SSH2: variants seen among roughly 807,000 people sequenced by gnomAD.
SSH2 encodes the protein slingshot protein phosphatase 2, also known as protein phosphatase Slingshot homolog 2.
Under a neutral mutation model 135.2 loss-of-function variants are expected in SSH2, and 37 were observed. The ratio of observed to expected loss-of-function variants is 0.27; its 90% CI spans 0.21 to 0.36. SSH2 has a LOEUF of 0.36. Ranked by LOEUF, SSH2 falls within the 10% of genes least tolerant of loss-of-function variation. The pLI is 1.00. For synonymous variants in SSH2, 628 were observed against 646.2 expected (o/e 0.97, Z 0.43); for missense variants, 1,408 against 1,765.3 (o/e 0.80, Z 3.63).
At chr17:29,869,958 G>C (rs1311441487) in intron 1 of SSH2, among the ~76,000 whole-genome samples, 4 of 152,034 alleles carry the variant, frequency 2.6e-5, no homozygotes, top group Admixed American at 2.6e-4. Flanking sequence ...TGGACTTCTT[G>C]CATGGGATAT....
intron 1 of SSH2, among the ~76,000 whole-genome samples, chr17:29,877,278 T>A (rs1027757283): frequency 2.6e-5 from 4 of 152,218 alleles, no homozygotes; most frequent in Non-Finnish European, 4.4e-5. Flanking sequence ...TTGATCGGAA[T>A]GTAAATTAAT....
intron 1 of SSH2, among the ~76,000 whole-genome samples, chr17:29,889,579 A>C (rs1438980967): frequency 5.3e-5 from 8 of 152,052 alleles, no homozygotes; most frequent in Admixed American, 3.9e-4. Flanking sequence ...GGTACACTGA[A>C]CTTCACCAAA....
chr17:29,637,296 G>A (rs1196899609), intron 14 of SSH2, among the ~76,000 whole-genome samples: 5 of 151,884 alleles, frequency 3.3e-5, no homozygotes, highest in Admixed American at 1.3e-4. Flanking sequence ...ATGGGGTTTC[G>A]CCATGTTGAC....
chr17:29,731,414 ATTTTTTATTTATTTATTTATTTAT>A (rs1189460877), intron 3 of SSH2, among the ~76,000 whole-genome samples: 2 of 115,264 alleles, frequency 1.7e-5, no homozygotes, highest in Non-Finnish European at 3.7e-5. Context: ...TAGCAGAAGT[ATTTTTTATTTATTTATTTATTTAT>A]TTATTTATTT....
intron 2 of SSH2, among the ~76,000 whole-genome samples, chr17:29,846,024 C>T (rs1259469410): frequency 2.0e-5 from 3 of 150,194 alleles, no homozygotes; most frequent in Non-Finnish European, 4.4e-5. Context: ...CAGAGGACTC[C>T]ACTGCAAACT....
intron 2 of SSH2, among the ~76,000 whole-genome samples, chr17:29,801,262 T>C (rs2042246634): frequency 6.6e-6 from 1 of 152,240 alleles, no homozygotes; most frequent in African/African-American, 2.4e-5. Context: ...CTGGAAAATA[T>C]AGAAGCACTG....
At chr17:29,780,009 T>G (rs1180846911) in intron 3 of SSH2, among the ~76,000 whole-genome samples, 1 of 151,728 alleles carries the variant, frequency 6.6e-6, no homozygotes, top group African/African-American at 2.4e-5. Flanking sequence ...CTGAGGTCAG[T>G]TGTTCGAGAC....
intron 3 of SSH2, among the ~76,000 whole-genome samples, chr17:29,748,550 T>C (rs1200443291): frequency 1.3e-5 from 2 of 152,144 alleles, no homozygotes; most frequent in Non-Finnish European, 1.5e-5. Flanking sequence ...AAACCATAAA[T>C]GAATGCCTGG....
chr17:29,910,299 G>T (rs1181516346), intron 1 of SSH2, among the ~76,000 whole-genome samples: 1 of 147,730 alleles, frequency 6.8e-6, no homozygotes, highest in Non-Finnish European at 1.5e-5. Context: ...AATGTTCAGA[G>T]GGTACACCCC....
At chr17:29,878,552 A>G (rs1943242581) in intron 1 of SSH2, among the ~76,000 whole-genome samples, 1 of 152,230 alleles carries the variant, frequency 6.6e-6, no homozygotes, top group African/African-American at 2.4e-5. Context: ...GAATAAATAA[A>G]TCAATGGATG....
At chr17:29,702,627 C>T (rs983237247) in intron 4 of SSH2, among the ~76,000 whole-genome samples, 7 of 152,142 alleles carry the variant, frequency 4.6e-5, no homozygotes, top group Non-Finnish European at 1.0e-4. Context: ...TGCACTCCAC[C>T]CTGGGTGACA....
At chr17:29,661,061 C>CAAAAAAAAAAAAAAAAAAAA (rs374216221) in intron 11 of SSH2, among the ~76,000 whole-genome samples, 24 of 48,344 alleles carry the variant, frequency 5.0e-4, no homozygotes, top group African/African-American at 1.5e-3. Context: ...AATTCCATCT[C>CAAAAAAAAAAAAAAAAAAAA]AAAAAAAAAA....
At chr17:29,805,256 C>A (rs1002726665) in intron 2 of SSH2, among the ~76,000 whole-genome samples, 2 of 151,948 alleles carry the variant, frequency 1.3e-5, no homozygotes, top group East Asian at 1.9e-4. Flanking sequence ...CCCGGGTTCA[C>A]GCCATTCTCC....
intron 1 of SSH2, among the ~76,000 whole-genome samples, chr17:29,850,029 C>CAAA (rs970117948): frequency 1.3e-4 from 5 of 37,636 alleles, no homozygotes; most frequent in African/African-American, 3.9e-4. Flanking sequence ...GACTCCATCT[C>CAAA]AAAAAAAAAA....
chr17:29,854,611 TG>T (rs1186542232), intron 1 of SSH2, among the ~76,000 whole-genome samples: 2 of 151,686 alleles, frequency 1.3e-5, no homozygotes, highest in African/African-American at 4.9e-5. Flanking sequence ...AAATCTAACT[TG>T]TTCAGTTACC....
At chr17:29,635,311 A>C (rs1245500870) in intron 15 of SSH2, among the ~76,000 whole-genome samples, 2 of 152,192 alleles carry the variant, frequency 1.3e-5, no homozygotes, top group Non-Finnish European at 2.9e-5. Flanking sequence ...TTTCCCAAAC[A>C]AATCTATCTT....
At chr17:29,663,673 T>C (rs544602066) in intron 11 of SSH2, among the ~76,000 whole-genome samples, 66 of 152,356 alleles carry the variant, frequency 4.3e-4, no homozygotes, top group African/African-American at 1.5e-3. Context: ...TATGTACATA[T>C]ATACACAATG....
intron 3 of SSH2, among the ~76,000 whole-genome samples, chr17:29,783,291 A>C (rs1383163160): frequency 1.4e-5 from 2 of 141,832 alleles, no homozygotes; most frequent in African/African-American, 5.1e-5. Context: ...TTATATATAT[A>C]ATATTTATAT....
intron 11 of SSH2, among the ~76,000 whole-genome samples, chr17:29,661,141 CT>C (rs994989006): frequency 6.6e-6 from 1 of 151,590 alleles, no homozygotes; most frequent in African/African-American, 2.4e-5. Context: ...ATCCATAGCA[CT>C]TGGGCCTCTG....
Sources: gnomAD v4.1 joint callset for allele counts (sites outside exome capture counted in the v4.1 genomes callset) on GRCh38, gnomAD v4.1.1 for gene constraint, MANE v1.5 for transcripts, NCBI Gene and HGNC (gene_info 2026-07-23, HGNC 2026-07-21) for gene names.